The following PEX5L variants were observed in gnomAD, a reference collection of about 807,000 sequenced individuals.
PEX5L encodes peroxisomal biogenesis factor 5 like.
PEX5L carries 30 observed loss-of-function variants against 84.0 expected under a neutral mutation model. That is an observed-to-expected ratio of 0.36 (90% CI 0.27 to 0.48). PEX5L has a LOEUF of 0.48. Ranked by LOEUF, PEX5L falls within the 20% of genes least tolerant of loss-of-function variation. PEX5L has a pLI of 0.99. For missense variants in PEX5L, 533 were observed against 754.6 expected (o/e 0.71, Z 3.44); for synonymous variants, 270 against 283.1 (o/e 0.95, Z 0.46).
chr3:179,802,532 C>CA (rs369244711), intron 14 of PEX5L, among the ~76,000 whole-genome samples: 3,211 of 73,508 alleles, frequency 0.044, 116 homozygotes, highest in East Asian at 0.086. Flanking sequence ...GAGACTGTCT[C>CA]AAAAAAAAAA....
chr3:180,031,619 A>AG (rs1791475373), intron 1 of PEX5L, among the ~76,000 whole-genome samples: 1 of 152,248 alleles, frequency 6.6e-6, no homozygotes, highest in South Asian at 2.1e-4. Flanking sequence ...GTTTACCTTT[A>AG]CATTTAGCGT....
At chr3:179,871,233 G>A (rs1750270660) in intron 7 of PEX5L, among the ~76,000 whole-genome samples, 3 of 151,152 alleles carry the variant, frequency 2.0e-5, no homozygotes, top group Non-Finnish European at 2.9e-5. Flanking sequence ...CTCCTGCGTA[G>A]CTGGGACTAC....
At chr3:179,821,249 CAAACA>C (rs1433453420) in intron 8 of PEX5L, among the ~76,000 whole-genome samples, 1 of 152,156 alleles carries the variant, frequency 6.6e-6, no homozygotes, top group African/African-American at 2.4e-5. Context: ...TTTAAACAAA[CAAACA>C]AAACAATGAG....
intron 1 of PEX5L, among the ~76,000 whole-genome samples, chr3:180,032,418 C>G (rs1207484846): frequency 6.6e-6 from 1 of 152,186 alleles, no homozygotes; most frequent in Non-Finnish European, 1.5e-5. Flanking sequence ...ATGCCACCCC[C>G]GTTCCAACTC....
At chr3:179,963,837 A>T (rs1459995867) in intron 2 of PEX5L, among the ~76,000 whole-genome samples, 1 of 152,092 alleles carries the variant, frequency 6.6e-6, no homozygotes, top group African/African-American at 2.4e-5. Flanking sequence ...TGCACAGTCT[A>T]CTAACCTCAT....
chr3:179,985,886 G>A (rs908671445), intron 1 of PEX5L, among the ~76,000 whole-genome samples: 1 of 152,042 alleles, frequency 6.6e-6, no homozygotes, highest in Non-Finnish European at 1.5e-5. Flanking sequence ...GGCCGCACTC[G>A]GGCTAAAGAG....
At chr3:179,954,715 A>G (rs1432693470) in intron 2 of PEX5L, among the ~76,000 whole-genome samples, 1 of 152,108 alleles carries the variant, frequency 6.6e-6, no homozygotes, top group African/African-American at 2.4e-5. Context: ...CCTGATTTCA[A>G]TTCTATGTTT....
intron 11 of PEX5L, among the ~76,000 whole-genome samples, chr3:179,809,939 T>C (rs1723075678): frequency 1.3e-5 from 2 of 151,264 alleles, no homozygotes; most frequent in African/African-American, 2.4e-5. Flanking sequence ...CTGCACATGA[T>C]TTATTAGTGC....
At chr3:179,855,342 T>C (rs1290509689) in intron 8 of PEX5L, among the ~76,000 whole-genome samples, 3 of 152,204 alleles carry the variant, frequency 2.0e-5, no homozygotes, top group Non-Finnish European at 4.4e-5. Context: ...GTATTTAAAA[T>C]TGCCTCTGAT....
intron 1 of PEX5L, among the ~76,000 whole-genome samples, chr3:179,995,100 T>TAC (rs1420230888): frequency 6.8e-6 from 1 of 147,840 alleles, no homozygotes; most frequent in Non-Finnish European, 1.5e-5. Context: ...AGTATATATA[T>TAC]ACACACACTA....
At chr3:179,973,648 CAGAT>C (rs1340045246) in intron 1 of PEX5L, 3 of 985,282 alleles carry the variant, frequency 3.0e-6, no homozygotes, top group Non-Finnish European at 3.6e-6. Flanking sequence ...TCACTGCTAA[CAGAT>C]AGAATGTCAG....
chr3:180,031,600 T>C (rs1292969419), intron 1 of PEX5L, among the ~76,000 whole-genome samples: 1 of 152,238 alleles, frequency 6.6e-6, no homozygotes, highest in African/African-American at 2.4e-5. Flanking sequence ...AAGGACACAC[T>C]AGGCTGGAGT....
intron 1 of PEX5L, among the ~76,000 whole-genome samples, chr3:179,997,246 A>T (rs1039154676): frequency 1.3e-5 from 2 of 152,156 alleles, no homozygotes; most frequent in Non-Finnish European, 2.9e-5. Context: ...ACTGGCTCTG[A>T]GCTGATGTTG....
At chr3:179,824,079 A>T (rs1729475735) in intron 8 of PEX5L, among the ~76,000 whole-genome samples, 1 of 152,186 alleles carries the variant, frequency 6.6e-6, no homozygotes, top group Non-Finnish European at 1.5e-5. Context: ...ATATTAAGAT[A>T]TGAAGAATAA....
At chr3:179,918,432 G>A (rs992390989) in intron 2 of PEX5L, among the ~76,000 whole-genome samples, 1 of 152,166 alleles carries the variant, frequency 6.6e-6, no homozygotes, top group Non-Finnish European at 1.5e-5. Flanking sequence ...CTTCTAGAAG[G>A]CACTGTGATA....
intron 2 of PEX5L, among the ~76,000 whole-genome samples, chr3:179,955,652 T>A (rs532380573): frequency 2.0e-5 from 3 of 152,164 alleles, no homozygotes. Context: ...AGGAAAAATA[T>A]TGTGTTCATT....
chr3:179,959,405 T>C (rs1781463635), intron 2 of PEX5L, among the ~76,000 whole-genome samples: 2 of 152,204 alleles, frequency 1.3e-5, no homozygotes, highest in South Asian at 2.1e-4. Flanking sequence ...TAACTGTCTG[T>C]TGACTGTAAG....
intron 14 of PEX5L, chr3:179,804,041 G>A (rs1354325410): frequency 1.3e-5 from 2 of 152,148 alleles, no homozygotes; most frequent in East Asian, 3.9e-4. Context: ...AGACCTGCAA[G>A]AACTCGAGGG....
chr3:180,000,087 A>G (rs908358761), intron 1 of PEX5L, among the ~76,000 whole-genome samples: 1 of 152,204 alleles, frequency 6.6e-6, no homozygotes, highest in African/African-American at 2.4e-5. Flanking sequence ...GTGATCCACT[A>G]GCAAGATTTT....
Sources: allele counts gnomAD v4.1 joint callset (sites outside exome capture counted in the v4.1 genomes callset), GRCh38; gene constraint gnomAD v4.1.1; transcripts MANE v1.5; gene names NCBI Gene and HGNC (gene_info 2026-07-23, HGNC 2026-07-21).